WIZ: variants seen among roughly 807,000 people sequenced by gnomAD.
The protein encoded by WIZ is WIZ zinc finger, also known as protein Wiz.
In WIZ, 25 loss-of-function variants were observed where a neutral mutation model predicts 140.2. The observed-to-expected ratio is 0.18, with a 90% CI of 0.13 to 0.25. WIZ has a LOEUF of 0.25. Ranked by LOEUF, WIZ falls within the 10% of genes least tolerant of loss-of-function variation. The pLI is 1.00. For missense variants in WIZ, 2,231 were observed against 2,632.6 expected, an observed-to-expected ratio of 0.85 and a Z score of 3.34; for synonymous variants, 1,125 against 1,154.3, an observed-to-expected ratio of 0.97 and a Z score of 0.51.
At position 15,448,205 on chromosome 19, in the gene WIZ, C is replaced by T. The variant is rs201021403; in HGVS notation, c.103G>A (p.Glu35Lys). The change falls in exon 2 of 13, where the codon GAA (glutamate) becomes AAA (lysine). Residue 35 changes from glutamate (E) to lysine (K), a missense_variant. Glu to Lys is a moderately conservative substitution (Grantham distance 56). Transcript: ENST00000673675. ...ATGCCACCTTCCCCCTCAGCAGCTTCGGCCCCACCCTCGATGTTCTCCCTT... is the reference window on the plus strand; with the variant it reads ...ATGCCACCTTCCCCCTCAGCAGCTTTGGCCCCACCCTCGATGTTCTCCCTT... ...APRENIEGGA[E>K]AAEGEGGIFR... 5.1e-4 allele frequency: 826 copies of T among 1,613,198 alleles called. 8 individuals are homozygous for T. In the South Asian group the frequency reaches 8.1e-3, roughly 16 times the overall value.
In WIZ at chr19:15,427,543, G is replaced by A. The variant is rs1968921755; in HGVS notation, c.3815-10C>T. The stretch of plus-strand genomic sequence containing the variant: ...GGCTCTGGGCCTGAGGCTGCAGCAG[G>A]AGGAGAAAGGGGCAGTTAGCATCGT... On this transcript the variant is annotated splice_polypyrimidine_tract_variant and intron_variant, in intron 8 of 12. Transcript: ENST00000673675. The surrounding 1 kb of genome is among the most constrained non-coding windows in gnomAD (Gnocchi z 6.4). The A allele has an allele frequency of 6.3e-7, 1 of 1,599,098 alleles. No homozygotes were observed. The highest frequency in any genetic ancestry group is 8.5e-7 in the Non-Finnish European group (1 of 1,170,126).
rs1027353097 is a variant in WIZ, at chr19:15,440,776, G to A, written c.279-61C>T. 3 of 1,422,566 alleles carry A rather than the reference G, an allele frequency of 2.1e-6. No homozygotes were observed. Among genetic ancestry groups the A allele is most frequent in the South Asian group, 1.5e-5 (1 of 67,926 alleles). 88.1% of individuals were successfully genotyped at this position (1,422,566 alleles called of 1,614,324 possible). A position where few individuals can be genotyped will look rare whatever the true frequency, so the allele number is the denominator to read the frequency against. ...GGGCTGCAGTTTTCCTTCCTAGGGT[G>A]GTGATGGGGGTCCTCCCAGGCCGTT... On this transcript the variant is annotated intron_variant, in intron 3 of 12. Coordinates refer to ENST00000673675, the MANE Select transcript of WIZ (RefSeq NM_001371589.1). This position sits in a 1 kb window ranked among gnomAD's most constrained non-coding sequence, Gnocchi z 6.2.
Position 15,449,859 on chromosome 19 carries a change from TCGCTGCCGCTACCGC to T in WIZ, c.-137_-123del, listed in dbSNP as rs1244495976. ...GGAGCTCCCCTCCTTGGTGCGGCCGTCGCTGCCGCTACCGCCGCTGCCGCTCCCGGTGCCGGTGCC... is the reference window on the plus strand; with the variant it reads ...GGAGCTCCCCTCCTTGGTGCGGCCGTCGCTGCCGCTCCCGGTGCCGGTGCC... On this transcript the variant is annotated 5_prime_UTR_variant, in exon 1 of 13. The change abolishes the stop of an existing upstream ORF in the 5' untranslated region. Transcript: ENST00000673675. 1 of 148,930 alleles carries T rather than the reference TCGCTGCCGCTACCGC, an allele frequency of 6.7e-6. No homozygotes were observed. The highest frequency in any genetic ancestry group is 1.5e-5 in the Non-Finnish European group (1 of 66,486). 9.2% of individuals were successfully genotyped at this position (148,930 alleles called of 1,614,324 possible).
At position 15,448,260 on chromosome 19, in the gene WIZ, T is replaced by C. The variant is rs1490319198; in HGVS notation, c.48A>G (p.Gln16=). Residue 16 remains glutamine, a synonymous_variant, in exon 2 of 13, where the codon CAA becomes CAG. Coordinates refer to ENST00000673675, the MANE Select transcript of WIZ (RefSeq NM_001371589.1). The part of the protein sequence containing the change: ...AGSLAAPDRP[Q]GPERLPGPAP... The stretch of plus-strand genomic sequence containing the variant: ...CCGGGCCAGGCAGTCTCTCTGGGCC[T>C]TGGGGACGATCTGGTGCAGCCAGGC... The C allele has an allele frequency of 6.2e-7, 1 of 1,613,284 alleles. No individual in the cohort carries two copies. Among genetic ancestry groups the C allele is most frequent in the Non-Finnish European group, 8.5e-7 (1 of 1,179,836 alleles).
chr19:15,447,519 T>C (rs1969960379), intron 2 of WIZ, among the ~76,000 whole-genome samples: 1 of 152,226 alleles, frequency 6.6e-6, no homozygotes, highest in Non-Finnish European at 1.5e-5. Flanking sequence ...TTTACAGCTG[T>C]CTTCCCAGTG....
Position 15,424,934 on chromosome 19 carries a change from C to T in WIZ, c.4993G>A (p.Glu1665Lys), listed in dbSNP as rs545944486. Reference protein sequence around the residue: ...RAHLRQFGVTEWCVNGSPIET... With the variant: ...RAHLRQFGVTKWCVNGSPIET... Reference sequence around the variant, plus strand: ...ATGGGCGAGCCATTGACGCACCACTCGGTCACGCCGAACTGCCGCAGGTGT... The same window carrying T: ...ATGGGCGAGCCATTGACGCACCACTTGGTCACGCCGAACTGCCGCAGGTGT... Residue 1665 changes from glutamate (E) to lysine (K), a missense_variant, in exon 11 of 13, where the codon GAG becomes AAG. By Grantham distance (56) the Glu-to-Lys change is moderately conservative. This residue lies in a region of WIZ where 18 missense variants were observed against 61.4 expected (regional missense o/e 0.29). Transcript: ENST00000673675. This position sits in a 1 kb window ranked among gnomAD's most constrained non-coding sequence, Gnocchi z 9.7. The T allele has an allele frequency of 8.1e-6, 13 of 1,610,214 alleles. No individual in the cohort carries two copies. The highest frequency in any genetic ancestry group is 2.7e-5 in the African/African-American group (2 of 75,054).
In WIZ at chr19:15,424,713, C is replaced by A. The variant is rs1484300110; in HGVS notation, c.5214G>T (p.Gly1738=). ...CGTCGGCTGCCCGGCCAGCCTCGGGCCCTGGCTCCCCTCCGGCACTGCGGC... is the reference window on the plus strand; with the variant it reads ...CGTCGGCTGCCCGGCCAGCCTCGGGACCTGGCTCCCCTCCGGCACTGCGGC... ...VVGRSAGGEP[G]PEAGRAADGG... The change falls in exon 11 of 13, where the codon GGG becomes GGT. Residue 1738 remains glycine (G), a synonymous_variant. Transcript: ENST00000673675. The surrounding 1 kb of genome is among the most constrained non-coding windows in gnomAD (Gnocchi z 9.7). The A allele has an allele frequency of 1.3e-6, 2 of 1,578,668 alleles. No individual in the cohort carries two copies. The highest frequency in any genetic ancestry group is 2.7e-5 in the African/African-American group (2 of 74,130).
Position 15,427,076 on chromosome 19 carries a change from C to T in WIZ, c.4272G>A (p.Lys1424=), listed in dbSNP as rs1390838159. Residue 1424 remains lysine, a synonymous_variant, in exon 9 of 13, where the codon AAG becomes AAA. Transcript: ENST00000673675. The surrounding 1 kb of genome is among the most constrained non-coding windows in gnomAD (Gnocchi z 6.4). ...GAAGGGCCCCCGGCAGCATCTCCCG[C>T]TTGATCTCCACCCGTATTTGTTCAG... ...LKPEQIRVEI[K]REMLPGALHG... 2 of 1,614,210 alleles carry T rather than the reference C, an allele frequency of 1.2e-6. No individual in the cohort carries two copies. Among genetic ancestry groups the T allele is most frequent in the South Asian group, 2.2e-5 (2 of 91,086 alleles).
rs1221900781 is a variant in WIZ, at chr19:15,439,320, G to A, written c.1674C>T (p.Ile558=). The A allele has an allele frequency of 1.3e-6, 2 of 1,535,730 alleles. No homozygotes were observed. The highest frequency in any genetic ancestry group is 1.7e-4 in the Middle Eastern group (1 of 5,986). ...AFGPGCQQLS[I]RDFPLSKPLL... ...GTGGCTTTGACAGCGGGAAATCTCT[G>A]ATGCTCAGCTGCTGGCATCCTGGGC... is the stretch of plus-strand genomic sequence containing the variant. The change falls in exon 4 of 13, where the codon ATC becomes ATT. Residue 558 remains isoleucine (I), a synonymous_variant. Transcript: ENST00000673675. The surrounding 1 kb of genome is among the most constrained non-coding windows in gnomAD (Gnocchi z 7.0).
chr19:15,433,426 G>A (rs1343296380), intron 5 of WIZ: 2 of 897,844 alleles, frequency 2.2e-6, no homozygotes, highest in African/African-American at 3.6e-5. Flanking sequence ...CAGCCTTGCA[G>A]CGCCAGTGCC....
intron 2 of WIZ, among the ~76,000 whole-genome samples, chr19:15,446,775 G>A (rs945014720): frequency 6.6e-6 from 1 of 152,224 alleles, no homozygotes; most frequent in Non-Finnish European, 1.5e-5. Context: ...TCATAACACG[G>A]TATCATAACA....
chr19:15,427,090 G>A lies in WIZ; in HGVS notation c.4258C>T (p.Arg1420Trp), dbSNP rs1485565872. The A allele has an allele frequency of 4.3e-6, 7 of 1,614,056 alleles. No individual in the cohort carries two copies. The highest frequency in any genetic ancestry group is 2.2e-5 in the South Asian group (2 of 91,090). The stretch of plus-strand genomic sequence containing the variant: ...AGCATCTCCCGCTTGATCTCCACCC[G>A]TATTTGTTCAGGCTTCAGCTTCTTG... ...LPKKLKPEQIRVEIKREMLPG... is the reference protein window; with the variant it reads ...LPKKLKPEQIWVEIKREMLPG... The change falls in exon 9 of 13, where the codon CGG (arginine) becomes TGG (tryptophan). Residue 1420 changes from arginine (R) to tryptophan (W), a missense_variant. By Grantham distance (101) the Arg-to-Trp change is moderately radical (BLOSUM62 -3). Coordinates refer to ENST00000673675, the MANE Select transcript of WIZ (RefSeq NM_001371589.1). This position sits in a 1 kb window ranked among gnomAD's most constrained non-coding sequence, Gnocchi z 6.4.
At position 15,442,328 on chromosome 19, in the gene WIZ, T is replaced by C. The variant is rs926970263; in HGVS notation, c.278+348A>G. On this transcript the variant is annotated intron_variant, in intron 3 of 12. Transcript: ENST00000673675. This position sits in a 1 kb window ranked among gnomAD's most constrained non-coding sequence, Gnocchi z 5.5. ...CAAGGCGAATTCATGAGATGCATCT[T>C]ATGGACTCCATTTTGCAGATGAGAA... Among the ~76,000 whole-genome samples, 6 of 152,198 alleles carry C rather than the reference T, an allele frequency of 3.9e-5. No homozygotes were observed. The highest frequency in any genetic ancestry group is 6.5e-5 in the Admixed American group (1 of 15,282).
chr19:15,443,931 C>T (rs1969828240), intron 2 of WIZ, among the ~76,000 whole-genome samples: 1 of 152,216 alleles, frequency 6.6e-6, no homozygotes, highest in South Asian at 2.1e-4. Flanking sequence ...ATGGAGCCAA[C>T]TCTCTATTAT....
Position 15,442,823 on chromosome 19 carries a change from C to T in WIZ, c.206-75G>A, listed in dbSNP as rs72994102. 0.02 allele frequency: 19,838 copies of T among 968,882 alleles called. 258 individuals carry two copies. The highest frequency in any genetic ancestry group is 0.023 in the Non-Finnish European group (17,460 of 747,252). 60.0% of individuals were successfully genotyped at this position (968,882 alleles called of 1,614,324 possible). ...GCCCTCCACACCCCAGCTCCAGGAGCCCTGCCAGGTGCCTCAGAAAGGCCC... is the reference window on the plus strand; with the variant it reads ...GCCCTCCACACCCCAGCTCCAGGAGTCCTGCCAGGTGCCTCAGAAAGGCCC... On this transcript the variant is annotated intron_variant, in intron 2 of 12. Transcript: ENST00000673675. This position sits in a 1 kb window ranked among gnomAD's most constrained non-coding sequence, Gnocchi z 5.5.
chr19:15,436,630 A>T, intron 5 of WIZ, 176 bp downstream of exon 5: 1 of 621,402 alleles, frequency 1.6e-6, no homozygotes, highest in Non-Finnish European at 2.5e-6. Flanking sequence ...CCTGAGTGAA[A>T]CAGAAAGGAC....
chr19:15,424,369 C>T lies in WIZ; in HGVS notation c.5324G>A (p.Arg1775His), dbSNP rs1207026740. The T allele has an allele frequency of 2.5e-6, 4 of 1,599,734 alleles. No homozygotes were observed. The highest frequency in any genetic ancestry group is 3.4e-6 in the Non-Finnish European group (4 of 1,176,114). The change falls in exon 12 of 13, where the codon CGC (arginine) becomes CAC (histidine). Residue 1775 changes from arginine (R) to histidine (H), a missense_variant. This residue lies in a region of WIZ where 299 missense variants were observed against 309.6 expected (regional missense o/e 0.97). Coordinates refer to ENST00000673675, the MANE Select transcript of WIZ (RefSeq NM_001371589.1). This position sits in a 1 kb window ranked among gnomAD's most constrained non-coding sequence, Gnocchi z 9.7. Reference protein sequence around the residue: ...HQRQNINKFERRQARPPDASA... With the variant: ...HQRQNINKFEHRQARPPDASA... Reference sequence around the variant, plus strand: ...GGCATCTGGAGGGCGGGCTTGTCGGCGTTCAAATTCTAAGGTGGAGAGGGG... The same window carrying T: ...GGCATCTGGAGGGCGGGCTTGTCGGTGTTCAAATTCTAAGGTGGAGAGGGG...
chr19:15,426,731 G>A (rs991067500), intron 9 of WIZ, among the ~76,000 whole-genome samples: 2 of 152,198 alleles, frequency 1.3e-5, no homozygotes, highest in East Asian at 1.9e-4. Context: ...CGATTGAAAT[G>A]GCACAAGAGA....
intron 9 of WIZ, 23 bp downstream of exon 9, chr19:15,426,958 GC>G: frequency 6.3e-7 from 1 of 1,584,198 alleles, no homozygotes. Context: ...TGTTCTCCCT[GC>G]CCTACTGCAG....
Sources: gnomAD v4.1 joint callset for allele counts (sites outside exome capture counted in the v4.1 genomes callset) on GRCh38, gnomAD v4.1.1 for gene constraint, gnomAD v4.1.1 regional missense constraint, Gnocchi (gnomAD v3.1) non-coding constraint, MANE v1.5 for transcripts, NCBI Gene and HGNC (gene_info 2026-07-23, HGNC 2026-07-21) for gene names.